The following RBM26 variants were observed in gnomAD, a reference collection of about 807,000 sequenced individuals.
RBM26 encodes RNA binding motif protein 26, also known as RNA-binding protein 26.
Under a neutral mutation model 123.6 loss-of-function variants are expected in RBM26, and 30 were observed. The ratio of observed to expected loss-of-function variants is 0.24; its 90% CI spans 0.18 to 0.33. RBM26 has a LOEUF of 0.33. Ranked by LOEUF, RBM26 falls within the 10% of genes least tolerant of loss-of-function variation. The pLI is 1.00. For missense variants in RBM26, 947 were observed against 1,203.6 expected, an observed-to-expected ratio of 0.79 and a Z score of 3.15; for synonymous variants, 400 against 404.4, an observed-to-expected ratio of 0.99 and a Z score of 0.13.
chr13:79,324,771 T>C (rs376697744), intron 20 of RBM26, among the ~76,000 whole-genome samples: 5 of 152,100 alleles, frequency 3.3e-5, no homozygotes, highest in African/African-American at 1.2e-4. Context: ...ATTAAATGTT[T>C]TATGTATTAA....
chr13:79,359,040 T>C (rs1038616142), intron 10 of RBM26, among the ~76,000 whole-genome samples: 7 of 152,198 alleles, frequency 4.6e-5, no homozygotes, highest in Admixed American at 3.9e-4. Flanking sequence ...GCTCTAAAAG[T>C]GATCCTAGTC....
chr13:79,348,985 T>C (rs1290751480), intron 14 of RBM26, among the ~76,000 whole-genome samples: 1 of 152,188 alleles, frequency 6.6e-6, no homozygotes, highest in Non-Finnish European at 1.5e-5. Flanking sequence ...GATGGGGCTA[T>C]ATCCATTGTA....
chr13:79,337,139 G>A lies in RBM26; in HGVS notation c.2696C>T (p.Thr899Met), dbSNP rs200422026. 29 of 1,614,012 alleles carry A rather than the reference G, an allele frequency of 1.8e-5. No individual in the cohort carries two copies. Among genetic ancestry groups the A allele is most frequent in the Middle Eastern group, 1.6e-4 (1 of 6,062 alleles). Reference sequence around the variant, plus strand: ...AAGAAGATCTTCTCTATCGCTCTCCGTAAATGCAGAAATCTCCAATGCCCT... The same window carrying A: ...AAGAAGATCTTCTCTATCGCTCTCCATAAATGCAGAAATCTCCAATGCCCT... ...RPRALEISAFTESDREDLLPH... is the reference protein window; with the variant it reads ...RPRALEISAFMESDREDLLPH... The change falls in exon 19 of 22, where the codon ACG becomes ATG. Residue 899 changes from threonine to methionine, a missense_variant. By Grantham distance (81) the Thr-to-Met change is moderately conservative. Around this residue, in one of 5 missense-constraint regions of RBM26, gnomAD observed 164 missense variants for 215.3 expected, o/e 0.76. Transcript: ENST00000438737.
intron 14 of RBM26, among the ~76,000 whole-genome samples, chr13:79,345,819 G>C (rs1250410192): frequency 6.6e-6 from 1 of 152,022 alleles, no homozygotes; most frequent in African/African-American, 2.4e-5. Context: ...ATAGGTCAGA[G>C]TGGACAACCT....
Position 79,346,486 on chromosome 13 carries a change from C to T in RBM26, c.2059-1692G>A, listed in dbSNP as rs576756776. On this transcript the variant is annotated intron_variant, in intron 14 of 21. Coordinates refer to ENST00000438737, the MANE Select transcript of RBM26 (RefSeq NM_001366735.2). ...CTTCCACCTCATGGGCTCAAGTGAT[C>T]CTCAGCCTCCCAAGTAGCTGGGACC... Among the ~76,000 whole-genome samples the T allele has an allele frequency of 2.6e-5, 4 of 152,158 alleles. No individual in the cohort carries two copies. The South Asian group carries it at 6.2e-4, about 24-fold the overall frequency.
At chr13:79,400,084 G>A (rs144801840) in intron 1 of RBM26, among the ~76,000 whole-genome samples, 1 of 152,252 alleles carries the variant, frequency 6.6e-6, no homozygotes, top group East Asian at 1.9e-4. Flanking sequence ...CAATGCAAAT[G>A]TGTATGTATT....
chr13:79,370,793 T>A (rs2075803523), intron 5 of RBM26, 152 bp downstream of exon 5: 1 of 830,618 alleles, frequency 1.2e-6, no homozygotes, highest in Non-Finnish European at 1.8e-6. Context: ...GAATAAAACT[T>A]TTAAAGGAAT....
chr13:79,348,564 C>G (rs916375252), intron 14 of RBM26, among the ~76,000 whole-genome samples: 2 of 152,062 alleles, frequency 1.3e-5, no homozygotes, highest in African/African-American at 4.8e-5. Flanking sequence ...GTCTAGCAGC[C>G]ACACTCACAA....
At chr13:79,321,186 C>G (rs1233962345) in intron 21 of RBM26, among the ~76,000 whole-genome samples, 1 of 151,260 alleles carries the variant, frequency 6.6e-6, no homozygotes, top group Non-Finnish European at 1.5e-5. Context: ...TTTCCCCATT[C>G]CCTTCATAAA....
At chr13:79,338,784 A>G (rs1271372828) in intron 18 of RBM26, among the ~76,000 whole-genome samples, 2 of 152,238 alleles carry the variant, frequency 1.3e-5, no homozygotes, top group African/African-American at 2.4e-5. Context: ...AAAGACCTGA[A>G]GAAGGAAGTC....
chr13:79,371,251 T>C (rs2075844199), intron 4 of RBM26, 89 bp from the exon 5 acceptor site: 1 of 1,063,278 alleles, frequency 9.4e-7, no homozygotes, highest in Non-Finnish European at 1.4e-6. Flanking sequence ...ATTTAATTCT[T>C]GTAACTTAAC....
At position 79,320,689 on chromosome 13, in the gene RBM26, C is replaced by A. The variant is rs768883836; in HGVS notation, c.2956G>T (p.Asp986Tyr). Residue 986 changes from aspartate to tyrosine, a missense_variant, in exon 22 of 22, where the codon GAT becomes TAT. Around this residue, in one of 5 missense-constraint regions of RBM26, gnomAD observed 164 missense variants for 215.3 expected, o/e 0.76. Transcript: ENST00000438737. ...EEEFQEESLV[D>Y]DSLLQDDDEE... ...TCATCATCTTGAAGTAATGAGTCATCCACCAAAGACTCTTCCTGAAACTTT... is the reference window on the plus strand; with the variant it reads ...TCATCATCTTGAAGTAATGAGTCATACACCAAAGACTCTTCCTGAAACTTT... 6.3e-7 allele frequency: 1 copy of A among 1,586,900 alleles called. No homozygotes were observed. The highest frequency in any genetic ancestry group is 8.6e-7 in the Non-Finnish European group (1 of 1,168,906).
chr13:79,375,070 T>G (rs2076523401), intron 3 of RBM26, among the ~76,000 whole-genome samples: 1 of 128,320 alleles, frequency 7.8e-6, no homozygotes, highest in Non-Finnish European at 1.7e-5. Flanking sequence ...TTTTTATATA[T>G]TTATATGATA....
chr13:79,397,050 G>A (rs373563604), intron 1 of RBM26, among the ~76,000 whole-genome samples: 4 of 152,074 alleles, frequency 2.6e-5, no homozygotes, highest in East Asian at 1.9e-4. Flanking sequence ...GGGTGGTGGC[G>A]CACGCCTGTA....
At chr13:79,377,335 T>C in intron 3 of RBM26, 44 bp downstream of exon 3, 1 of 1,549,418 alleles carries the variant, frequency 6.5e-7, no homozygotes. Flanking sequence ...GTTATTCCTC[T>C]TATGTGTTTA....
downstream of RBM26, chr13:79,314,363 T>C (rs1264175340): frequency 2.0e-5 from 3 of 151,764 alleles, no homozygotes; most frequent in African/African-American, 7.2e-5. Context: ...AAGAAAATTA[T>C]TTTCTTTGTT....
chr13:79,374,639 C>T (rs909312961), intron 3 of RBM26, among the ~76,000 whole-genome samples: 7 of 152,120 alleles, frequency 4.6e-5, no homozygotes, highest in Non-Finnish European at 1.0e-4. Flanking sequence ...CCACCTATTC[C>T]AGCTCTCCTC....
At chr13:79,316,982 T>C (rs2067205003), downstream of RBM26, among the ~76,000 whole-genome samples, 1 of 151,352 alleles carries the variant, frequency 6.6e-6, no homozygotes, top group African/African-American at 2.4e-5. Flanking sequence ...ATTGGTTTGT[T>C]TTTTTTTTAA....
At chr13:79,318,817 A>G (rs1593848241), downstream of RBM26, 1 of 983,174 alleles carries the variant, frequency 1.0e-6, no homozygotes, top group South Asian at 4.7e-5. Context: ...TTTCTTTGTA[A>G]TACCTGTTTG....
Sources: allele counts gnomAD v4.1 joint callset (sites outside exome capture counted in the v4.1 genomes callset), GRCh38; gene constraint gnomAD v4.1.1; regional missense constraint gnomAD v4.1.1; transcripts MANE v1.5; gene names NCBI Gene and HGNC (gene_info 2026-07-23, HGNC 2026-07-21).